The following KIF26B variants were observed in gnomAD, a reference collection of about 807,000 sequenced individuals.
KIF26B encodes kinesin-like protein KIF26B.
Under a neutral mutation model 151.2 loss-of-function variants are expected in KIF26B, and 63 were observed. The observed-to-expected ratio is 0.42, with a 90% CI of 0.34 to 0.51. The LOEUF (loss-of-function observed/expected upper bound fraction) is 0.51, where lower values mean the gene tolerates loss of function less well. KIF26B is among the 20% of genes least tolerant of loss of function. The pLI is 0.07. For synonymous variants in KIF26B, 1,357 were observed against 1,262.1 expected (o/e 1.08, Z -1.59); for missense variants, 2,813 against 2,913.6 (o/e 0.97, Z 0.79).
At chr1:245,252,575 T>G (rs1458948390) in intron 2 of KIF26B, among the ~76,000 whole-genome samples, 1 of 152,212 alleles carries the variant, frequency 6.6e-6, no homozygotes, top group Non-Finnish European at 1.5e-5. Context: ...TTAAGTCTAA[T>G]ACCTTGTGGA....
Position 245,667,725 on chromosome 1 carries a change from C to T in KIF26B, c.2259-16508C>T, listed in dbSNP as rs146006545. Among the ~76,000 whole-genome samples, 111 of 152,310 alleles carry T rather than the reference C, an allele frequency of 7.3e-4. No homozygotes were observed. Among genetic ancestry groups the T allele is most frequent in the African/African-American group, 2.6e-3 (107 of 41,562 alleles). On this transcript the variant is annotated intron_variant, in intron 10 of 14. Transcript: ENST00000407071. This position sits in a 1 kb window ranked among gnomAD's most constrained non-coding sequence, Gnocchi z 4.3. ...TCCAGGAAGGAGGTGGCAGGAGTGA[C>T]ATTTGGGCCATCCAGGCAACTCACC...
At chr1:245,262,076 C>G (rs1209809615) in intron 2 of KIF26B, among the ~76,000 whole-genome samples, 1 of 152,150 alleles carries the variant, frequency 6.6e-6, no homozygotes, top group Non-Finnish European at 1.5e-5. Context: ...ACATTATTAC[C>G]TCTGATTCCC....
At chr1:245,679,356 T>C (rs1000112729) in intron 10 of KIF26B, among the ~76,000 whole-genome samples, 2 of 152,088 alleles carry the variant, frequency 1.3e-5, no homozygotes, top group African/African-American at 2.4e-5. Flanking sequence ...GTGTTCATTA[T>C]CCTGTTCTTT....
chr1:245,365,127 C>A (rs1387711889), intron 2 of KIF26B, among the ~76,000 whole-genome samples: 8 of 152,140 alleles, frequency 5.3e-5, no homozygotes, highest in Non-Finnish European at 1.2e-4. Context: ...TGTTCTGGAA[C>A]AGCCCCTAAG....
intron 5 of KIF26B, among the ~76,000 whole-genome samples, chr1:245,561,908 C>T (rs369616216): frequency 1.1e-4 from 17 of 152,314 alleles, no homozygotes; most frequent in Admixed American, 3.3e-4. Flanking sequence ...GGTCCTGCCT[C>T]TTCTCAGTCT....
intron 2 of KIF26B, among the ~76,000 whole-genome samples, chr1:245,276,412 G>A (rs115623909): frequency 0.019 from 2,901 of 152,278 alleles, 41 homozygotes; most frequent in Middle Eastern, 0.051. Context: ...GAAGTAAGGA[G>A]TTAGGGGTTT....
rs766845350 is a variant in KIF26B at position 245,359,874 on chromosome 1, C to CTT, written c.466-6947_466-6946dup. On this transcript the variant is annotated intron_variant, in intron 2 of 14. Coordinates refer to ENST00000407071, the MANE Select transcript of KIF26B (RefSeq NM_018012.4). ...TTGTGATTTCTTTCTTTCTTTCTTT[C>CTT]TTTTTTTTTTTTTTCTGAGACAGGG... Among the ~76,000 whole-genome samples, 247 of 139,606 alleles carry CTT rather than the reference C, an allele frequency of 1.8e-3. 3 individuals carry two copies. Among genetic ancestry groups the CTT allele is most frequent in the African/African-American group, 6.4e-3 (232 of 36,264 alleles). The allele number at this position is 139,606 out of a possible 152,430, so 91.6% of individuals were successfully genotyped here. A position where few individuals can be genotyped will look rare whatever the true frequency, so the allele number is the denominator to read the frequency against.
rs529244886 is a variant in KIF26B at position 245,375,506 on chromosome 1, T to C, written c.999+8139T>C. Among the ~76,000 whole-genome samples the C allele has an allele frequency of 1.6e-3, 239 of 152,168 alleles. 1 individual carries two copies. Among genetic ancestry groups the C allele is most frequent in the Middle Eastern group, 3.4e-3 (1 of 294 alleles). ...AAGCAGAGGTCAGAGAGGAGAGAGA[T>C]ACAAATCTGTTGGCTTTGATGATGG... On this transcript the variant is annotated intron_variant, in intron 3 of 14. Transcript: ENST00000407071. The surrounding 1 kb of genome is among the most constrained non-coding windows in gnomAD (Gnocchi z 4.2).
chr1:245,191,245 C>G (rs191799808), intron 2 of KIF26B, among the ~76,000 whole-genome samples: 3 of 150,756 alleles, frequency 2.0e-5, no homozygotes, highest in South Asian at 2.1e-4. Flanking sequence ...GAGGCCGAGG[C>G]GGGCGGATTA....
In KIF26B at chr1:245,686,835, G is replaced by A. The variant is rs995338726; in HGVS notation, c.3852G>A (p.Glu1284=). The change falls in exon 12 of 15, where the codon GAG becomes GAA. Residue 1284 remains glutamate, a synonymous_variant. Coordinates refer to ENST00000407071, the MANE Select transcript of KIF26B (RefSeq NM_018012.4). The surrounding 1 kb of genome is among the most constrained non-coding windows in gnomAD (Gnocchi z 5.6). ...CTTCCATCAGCTCCTGGCTGAGCGA[G>A]ATGAGCGCGGGCAGTGAGGGTGAGC... ...RRSSISSWLS[E]MSAGSEGEQS... The A allele has an allele frequency of 2.5e-6, 4 of 1,613,550 alleles. No homozygotes were observed. The highest frequency in any genetic ancestry group is 1.7e-5 in the Admixed American group (1 of 59,986).
intron 5 of KIF26B, among the ~76,000 whole-genome samples, chr1:245,561,598 AT>A (rs1246143485): frequency 2.0e-5 from 3 of 152,196 alleles, no homozygotes; most frequent in Non-Finnish European, 4.4e-5. Flanking sequence ...ACATACATCA[AT>A]CATTTGCATG....
rs139900003 is a variant in KIF26B at position 245,362,762 on chromosome 1, C to T, written c.466-4072C>T. 5.0e-3 allele frequency among the ~76,000 whole-genome samples: 759 copies of T among 152,020 alleles called. 7 individuals carry two copies. The highest frequency in any genetic ancestry group is 6.2e-3 in the Non-Finnish European group (421 of 67,908). On this transcript the variant is annotated intron_variant, in intron 2 of 14. Coordinates refer to ENST00000407071, the MANE Select transcript of KIF26B (RefSeq NM_018012.4). ...GTGCTGGGATTACAGGCGTGAGCCA[C>T]GGTGCTCCACCACCTACGTGTCTTC...
intron 2 of KIF26B, among the ~76,000 whole-genome samples, chr1:245,212,735 C>T (rs1669565340): frequency 6.6e-6 from 1 of 152,230 alleles, no homozygotes; most frequent in Non-Finnish European, 1.5e-5. Flanking sequence ...CCGTCGGGCC[C>T]CGAGTCAGCC....
chr1:245,177,662 A>AT (rs1668833105), intron 2 of KIF26B, among the ~76,000 whole-genome samples: 1 of 125,728 alleles, frequency 8.0e-6, no homozygotes, highest in Non-Finnish European at 1.6e-5. Context: ...ACTTGTCCTT[A>AT]GGGGTGTGTG....
At chr1:245,372,455 A>G (rs910118962) in intron 3 of KIF26B, among the ~76,000 whole-genome samples, 17 of 152,094 alleles carry the variant, frequency 1.1e-4, no homozygotes, top group Middle Eastern at 3.4e-3. Flanking sequence ...TGTACAAATG[A>G]TTTTGTCACC....
At chr1:245,379,755 G>T (rs1673360955) in intron 3 of KIF26B, among the ~76,000 whole-genome samples, 1 of 152,028 alleles carries the variant, frequency 6.6e-6, no homozygotes, top group African/African-American at 2.4e-5. Flanking sequence ...TGGACCACCT[G>T]AGGTCAGGAG....
At chr1:245,472,682 G>A (rs184846934) in intron 4 of KIF26B, among the ~76,000 whole-genome samples, 70 of 152,330 alleles carry the variant, frequency 4.6e-4, no homozygotes, top group African/African-American at 1.7e-3. Context: ...GCCGTGGTTG[G>A]CCGTCTTTCT....
rs1326582525 is a variant in KIF26B, at chr1:245,686,701, G to A, written c.3718G>A (p.Glu1240Lys). ...CATCAGCAGCATCAGCGAGGACCTG[G>A]AGTGCTACTCCAGCACGGCCCCCGT... ...SIISSISEDL[E>K]CYSSTAPVSE... Residue 1240 changes from glutamate (E) to lysine (K), a missense_variant, in exon 12 of 15, where the codon GAG (glutamate) becomes AAG (lysine). Physicochemically the swap from Glu to Lys is moderately conservative, Grantham distance 56. Coordinates refer to ENST00000407071, the MANE Select transcript of KIF26B (RefSeq NM_018012.4). The surrounding 1 kb of genome is among the most constrained non-coding windows in gnomAD (Gnocchi z 5.6). 6.2e-7 allele frequency: 1 copy of A among 1,613,100 alleles called. No individual in the cohort carries two copies. Among genetic ancestry groups the A allele is most frequent in the Non-Finnish European group, 8.5e-7 (1 of 1,179,620 alleles).
chr1:245,365,528 T>G (rs1282531797), intron 2 of KIF26B, among the ~76,000 whole-genome samples: 1 of 139,666 alleles, frequency 7.2e-6, no homozygotes, highest in Admixed American at 6.9e-5. Context: ...CCCACCAGCC[T>G]ACAGCTCAGC....
Sources: gnomAD v4.1 joint callset for allele counts (sites outside exome capture counted in the v4.1 genomes callset) on GRCh38, gnomAD v4.1.1 for gene constraint, Gnocchi (gnomAD v3.1) non-coding constraint, MANE v1.5 for transcripts, NCBI Gene and HGNC (gene_info 2026-07-23, HGNC 2026-07-21) for gene names.